TFEC: variants seen among roughly 807,000 people sequenced by gnomAD.
The protein encoded by TFEC is class E basic helix-loop-helix protein 34.
TFEC carries 31 observed loss-of-function variants against 41.6 expected under a neutral mutation model. The ratio of observed to expected loss-of-function variants is 0.74; its 90% CI spans 0.56 to 1.01. The LOEUF is 1.01. TFEC is among the 50% of genes least tolerant of loss of function. TFEC has a pLI of 0.00. For missense variants in TFEC, 402 were observed against 404.1 expected (o/e 0.99, Z 0.04); for synonymous variants, 143 against 140.6 (o/e 1.02, Z -0.12).
In TFEC at chr7:115,940,207, C is replaced by A. The variant is rs1490100614; in HGVS notation, c.*344G>T. 8 of 176,512 alleles carry A rather than the reference C, an allele frequency of 4.5e-5. No homozygotes were observed. The highest frequency in any genetic ancestry group is 8.4e-5 in the Non-Finnish European group (7 of 83,438). The allele number at this position is 176,512 out of a possible 1,614,324, so 10.9% of individuals were successfully genotyped here. On this transcript the variant is annotated 3_prime_UTR_variant, in exon 8 of 8. Coordinates refer to ENST00000265440, the MANE Select transcript of TFEC (RefSeq NM_012252.4). ...CTGTTTGTATATTTCAGTCGTTTAA[C>A]ACTTTGCAGTCATTAGTTCCAGTAG...
chr7:116,129,149 C>A (rs551814042), intron 1 of TFEC, among the ~76,000 whole-genome samples: 2 of 152,210 alleles, frequency 1.3e-5, no homozygotes, highest in African/African-American at 4.8e-5. Context: ...GAAGAAATCC[C>A]ATTTGGCAAT....
chr7:116,115,698 G>T (rs1224415668), intron 1 of TFEC, among the ~76,000 whole-genome samples: 1 of 151,956 alleles, frequency 6.6e-6, no homozygotes, highest in Non-Finnish European at 1.5e-5. Context: ...ACAAGTTCCG[G>T]GGATTAGGAC....
intron 1 of TFEC, among the ~76,000 whole-genome samples, chr7:116,152,608 G>A (rs1246904340): frequency 1.3e-5 from 2 of 152,152 alleles, no homozygotes; most frequent in Non-Finnish European, 2.9e-5. Context: ...AAAAGCCAGA[G>A]GGGAGAAATA....
chr7:116,001,383 G>A (rs928423668), intron 1 of TFEC, among the ~76,000 whole-genome samples: 2 of 151,608 alleles, frequency 1.3e-5, no homozygotes, highest in African/African-American at 4.8e-5. Context: ...TAGTGCCAGC[G>A]AATCGGGAGG....
chr7:116,086,502 G>C (rs1233522890), intron 3 of TFEC, among the ~76,000 whole-genome samples: 1 of 151,866 alleles, frequency 6.6e-6, no homozygotes, highest in Non-Finnish European at 1.5e-5. Context: ...TGTGAGGTGT[G>C]ACCACGAGTG....
At chr7:115,946,705 T>C (rs2130283344) in intron 6 of TFEC, among the ~76,000 whole-genome samples, 1 of 150,942 alleles carries the variant, frequency 6.6e-6, no homozygotes, top group East Asian at 2.0e-4. Context: ...CTTCTTTTCT[T>C]TTCTTTTCCT....
At chr7:115,983,536 A>T (rs1253000237) in intron 2 of TFEC, among the ~76,000 whole-genome samples, 1 of 152,176 alleles carries the variant, frequency 6.6e-6, no homozygotes, top group Non-Finnish European at 1.5e-5. Flanking sequence ...GGAAAAAAAG[A>T]AAAGAAAGCT....
At chr7:115,963,513 T>G (rs1792677065) in intron 3 of TFEC, among the ~76,000 whole-genome samples, 2 of 151,728 alleles carry the variant, frequency 1.3e-5, no homozygotes, top group Non-Finnish European at 2.9e-5. Context: ...TTATTTACAA[T>G]AGTCAAATGT....
chr7:116,092,108 A>G (rs546305331), intron 3 of TFEC, among the ~76,000 whole-genome samples: 2 of 152,286 alleles, frequency 1.3e-5, no homozygotes, highest in African/African-American at 4.8e-5. Flanking sequence ...GACATAATTT[A>G]AACTTCCAAA....
At chr7:116,060,862 A>G (rs1445488674) in intron 3 of TFEC, among the ~76,000 whole-genome samples, 1 of 140,560 alleles carries the variant, frequency 7.1e-6, no homozygotes, top group Non-Finnish European at 1.6e-5. Flanking sequence ...AACCTAAAAT[A>G]AAAGTTTAAA....
At chr7:115,946,414 TG>T (rs1791555894) in intron 6 of TFEC, among the ~76,000 whole-genome samples, 1 of 130,594 alleles carries the variant, frequency 7.7e-6, no homozygotes, top group East Asian at 2.1e-4. Flanking sequence ...TGTGTGTGTG[TG>T]TGTGTGTGTG....
chr7:116,096,520 A>G (rs746169275), intron 3 of TFEC, among the ~76,000 whole-genome samples: 24 of 152,100 alleles, frequency 1.6e-4, no homozygotes, highest in Non-Finnish European at 3.2e-4. Context: ...TGTGTATAGT[A>G]GAATCTCACT....
intron 1 of TFEC, among the ~76,000 whole-genome samples, chr7:116,159,153 TAA>T (rs1447444996): frequency 9.9e-5 from 15 of 151,908 alleles, no homozygotes; most frequent in Non-Finnish European, 2.1e-4. Flanking sequence ...CAAGAAATAA[TAA>T]GTCACAAGTG....
chr7:116,038,580 A>C (rs921471015), intron 3 of TFEC, among the ~76,000 whole-genome samples: 1 of 152,034 alleles, frequency 6.6e-6, no homozygotes, highest in Non-Finnish European at 1.5e-5. Flanking sequence ...CATGGAGGCT[A>C]CCATCTCATG....
intron 6 of TFEC, among the ~76,000 whole-genome samples, chr7:115,946,820 G>A (rs1017399932): frequency 6.6e-6 from 1 of 150,994 alleles, no homozygotes; most frequent in Non-Finnish European, 1.5e-5. Flanking sequence ...ACAGGCATGA[G>A]ACAATGTGCC....
chr7:116,069,177 G>A (rs1431315743), intron 3 of TFEC, among the ~76,000 whole-genome samples: 3 of 151,146 alleles, frequency 2.0e-5, no homozygotes, highest in East Asian at 3.9e-4. Context: ...TTTGCAGGAG[G>A]AGAAAATAAG....
intron 1 of TFEC, among the ~76,000 whole-genome samples, chr7:116,015,507 A>G (rs1795155903): frequency 6.6e-6 from 1 of 152,182 alleles, no homozygotes; most frequent in South Asian, 2.1e-4. Context: ...GACACACTTG[A>G]GGCTTTTAGT....
At chr7:116,094,058 G>A (rs1391850623) in intron 3 of TFEC, among the ~76,000 whole-genome samples, 5 of 152,124 alleles carry the variant, frequency 3.3e-5, no homozygotes, top group African/African-American at 1.2e-4. Flanking sequence ...AAGTAGGCAG[G>A]ACAAGTATAG....
At chr7:116,079,384 C>A (rs1797035898) in intron 3 of TFEC, among the ~76,000 whole-genome samples, 1 of 151,984 alleles carries the variant, frequency 6.6e-6, no homozygotes, top group Non-Finnish European at 1.5e-5. Flanking sequence ...AAGAGGAAGT[C>A]AAAATGTTAG....
Sources: allele counts gnomAD v4.1 joint callset (sites outside exome capture counted in the v4.1 genomes callset), GRCh38; gene constraint gnomAD v4.1.1; transcripts MANE v1.5; gene names NCBI Gene and HGNC (gene_info 2026-07-23, HGNC 2026-07-21).